TDRD6: variants seen among roughly 807,000 people sequenced by gnomAD.
The protein encoded by TDRD6 is tudor domain containing 6, also known as tudor domain-containing protein 6.
TDRD6 carries 186 observed loss-of-function variants against 157.5 expected under a neutral mutation model. The ratio of observed to expected loss-of-function variants is 1.18; its 90% CI spans 1.05 to 1.33. The LOEUF is 1.33. TDRD6 is among the 40% of genes most tolerant of loss of function. The pLI is 0.00. For missense variants in TDRD6, 3,066 were observed against 2,508.0 expected (o/e 1.22, Z -4.75); for synonymous variants, 1,075 against 945.2 (o/e 1.14, Z -2.52).
In TDRD6 at chr6:46,693,738, C is replaced by T; in HGVS notation, c.5610C>T (p.Ser1870=). 6.2e-7 allele frequency: 1 copy of T among 1,614,156 alleles called. No individual in the cohort carries two copies. Among genetic ancestry groups the T allele is most frequent in the Non-Finnish European group, 8.5e-7 (1 of 1,180,028 alleles). ...LVVDEEKGEL[S]PVPPNVPLSQ... Reference sequence around the variant, plus strand: ...TGGATGAAGAAAAAGGGGAGCTAAGCCCGGTGCCACCGAATGTGCCACTCT... The same window carrying T: ...TGGATGAAGAAAAAGGGGAGCTAAGTCCGGTGCCACCGAATGTGCCACTCT... Residue 1870 remains serine, a synonymous_variant, in exon 1 of 4, where the codon AGC becomes AGT. Coordinates refer to ENST00000316081, the MANE Select transcript of TDRD6 (RefSeq NM_001010870.3).
chr6:46,681,829 A>C, the TDRD6 span, among the ~76,000 whole-genome samples: 3 of 152,174 alleles, frequency 2.0e-5, no homozygotes, highest in Non-Finnish European at 4.4e-5. Context: ...AGCCAGGCAA[A>C]AGTGAATACA....
At position 46,689,961 on chromosome 6, in the gene TDRD6, T is replaced by C; in HGVS notation, c.1833T>C (p.Thr611=). ...TLADIWPLGK[T]WSQEAVSFFK... is the part of the protein sequence containing the mutation. ...CTGATATTTGGCCTTTGGGAAAAAC[T>C]TGGAGCCAGGAGGCAGTTTCCTTTT... The change falls in exon 1 of 4, where the codon ACT becomes ACC. Residue 611 remains threonine (T), a synonymous_variant. Transcript: ENST00000316081. The C allele has an allele frequency of 4.3e-6, 7 of 1,613,914 alleles. No individual in the cohort carries two copies. Among genetic ancestry groups the C allele is most frequent in the South Asian group, 1.1e-5 (1 of 91,044 alleles).
At position 46,688,286 on chromosome 6, in the gene TDRD6, C is replaced by T. The variant is rs1351763540; in HGVS notation, c.158C>T (p.Ala53Val). 1 of 1,496,564 alleles carries T rather than the reference C, an allele frequency of 6.7e-7. No homozygotes were observed. 92.7% of individuals were successfully genotyped at this position (1,496,564 alleles called of 1,614,324 possible). A position where few individuals can be genotyped will look rare whatever the true frequency, so the allele number is the denominator to read the frequency against. Reference protein sequence around the residue: ...YLRLSREIQEAAATRGQWALG... With the variant: ...YLRLSREIQEVAATRGQWALG... ...CGGCTGAGCCGGGAAATCCAGGAAG[C>T]GGCGGCCACGCGCGGCCAGTGGGCG... The change falls in exon 1 of 4, where the codon GCG (alanine) becomes GTG (valine). Residue 53 changes from alanine to valine, a missense_variant. By Grantham distance (64) the Ala-to-Val change is moderately conservative (BLOSUM62 0). Coordinates refer to ENST00000316081, the MANE Select transcript of TDRD6 (RefSeq NM_001010870.3).
Position 46,688,526 on chromosome 6 carries a change from G to T in TDRD6, c.398G>T (p.Gly133Val), listed in dbSNP as rs762607908. The T allele has an allele frequency of 1.9e-6, 3 of 1,570,206 alleles. No individual in the cohort carries two copies. Among genetic ancestry groups the T allele is most frequent in the East Asian group, 2.3e-5 (1 of 43,500 alleles). ...GAAGTGCTGGGCTGCGTGCTAGCGG[G>T]CCTGGTGCCGGCAGGCTGCGGCGCG... ...PSEVLGCVLA[G>V]LVPAGCGAGS... The change falls in exon 1 of 4, where the codon GGC (glycine) becomes GTC (valine). Residue 133 changes from glycine to valine, a missense_variant. Coordinates refer to ENST00000316081, the MANE Select transcript of TDRD6 (RefSeq NM_001010870.3).
chr6:46,694,229 G>A (rs1764435256), intron 1 of TDRD6, 55 bp downstream of exon 1: 2 of 1,244,708 alleles, frequency 1.6e-6, no homozygotes, highest in South Asian at 1.5e-5. Flanking sequence ...TTGAGACAGG[G>A]TCTTGCTCTG....
chr6:46,686,476 T>TA (rs35028991), upstream of TDRD6, among the ~76,000 whole-genome samples: 333 of 127,822 alleles, frequency 2.6e-3, 2 homozygotes, highest in South Asian at 5.9e-3. Context: ...TAGAAGTATG[T>TA]AAAAAAAAAA....
rs1764430938 is a variant in TDRD6 at position 46,694,124 on chromosome 6, A to AAAGCAGTGATGGAAGC, written c.6002_6017dup (p.His2006GlnfsTer2). ...TTGATGCCTTTGTTCTCTGAGGAAG[A>AAAGCAGTGATGGAAGC]AAGCAGTGATGGAAGCAAGCACAAT... On this transcript the variant is annotated frameshift_variant, in exon 1 of 4. Coordinates refer to ENST00000316081, the MANE Select transcript of TDRD6 (RefSeq NM_001010870.3). LOFTEE classifies it high-confidence loss of function. 5 of 1,599,094 alleles carry AAAGCAGTGATGGAAGC rather than the reference A, an allele frequency of 3.1e-6. No homozygotes were observed. Among genetic ancestry groups the AAAGCAGTGATGGAAGC allele is most frequent in the Non-Finnish European group, 4.3e-6 (5 of 1,173,204 alleles).
At position 46,690,734 on chromosome 6, in the gene TDRD6, GTGAAGAATTTC is replaced by G. The variant is rs928399301; in HGVS notation, c.2612_2622del (p.Glu871GlyfsTer2). 1 of 1,614,006 alleles carries G rather than the reference GTGAAGAATTTC, an allele frequency of 6.2e-7. No homozygotes were observed. Among genetic ancestry groups the G allele is most frequent in the Non-Finnish European group, 8.5e-7 (1 of 1,180,028 alleles). ...TCTGTGAAGAATATTTATTCAATTAGTGAAGAATTTCTGAAGGTTAAGGCACAGGCTTTTAG... is the reference window on the plus strand; with the variant it reads ...TCTGTGAAGAATATTTATTCAATTAGTGAAGGTTAAGGCACAGGCTTTTAG... On this transcript the variant is annotated frameshift_variant, in exon 1 of 4. Coordinates refer to ENST00000316081, the MANE Select transcript of TDRD6 (RefSeq NM_001010870.3). LOFTEE classifies it high-confidence loss of function.
chr6:46,690,445 AC>A lies in TDRD6; in HGVS notation c.2318del (p.Thr773LysfsTer2). ...SSKGELEVGS[T>X]VEVRVSYVEN... ...TAAAGGAGAGCTGGAAGTTGGAAGT[AC>A]AGTAGAAGTCAGAGTGTCTTATGTT... On this transcript the variant is annotated frameshift_variant, in exon 1 of 4. Coordinates refer to ENST00000316081, the MANE Select transcript of TDRD6 (RefSeq NM_001010870.3). LOFTEE classifies it high-confidence loss of function. 1.2e-6 allele frequency: 2 copies of A among 1,614,156 alleles called. No homozygotes were observed. The highest frequency in any genetic ancestry group is 4.5e-5 in the East Asian group (2 of 44,882).
intron 3 of TDRD6, among the ~76,000 whole-genome samples, chr6:46,699,434 CTG>C (rs1562061770): frequency 6.6e-6 from 1 of 152,140 alleles, no homozygotes; most frequent in Non-Finnish European, 1.5e-5. Flanking sequence ...CAGGCAGTAA[CTG>C]GGGTTAGCCA....
Position 46,689,605 on chromosome 6 carries a change from G to T in TDRD6, c.1477G>T (p.Val493Leu), listed in dbSNP as rs754688380. The change falls in exon 1 of 4, where the codon GTA becomes TTA. Residue 493 changes from valine (V) to leucine (L), a missense_variant. Transcript: ENST00000316081. ...GATGAATGCCTTCTACGATGCGCAG[G>T]TAGAGTTTGTTAAAAATCCTTCTGA... Reference protein sequence around the residue: ...LKMNAFYDAQVEFVKNPSEFW... With the variant: ...LKMNAFYDAQLEFVKNPSEFW... 6.2e-7 allele frequency: 1 copy of T among 1,614,150 alleles called. No individual in the cohort carries two copies. Among genetic ancestry groups the T allele is most frequent in the South Asian group, 1.1e-5 (1 of 91,074 alleles).
Position 46,688,328 on chromosome 6 carries a change from C to T in TDRD6, c.200C>T (p.Ala67Val). 1.3e-6 allele frequency: 2 copies of T among 1,524,524 alleles called. No homozygotes were observed. 94.4% of individuals were successfully genotyped at this position (1,524,524 alleles called of 1,614,324 possible). A position where few individuals can be genotyped will look rare whatever the true frequency, so the allele number is the denominator to read the frequency against. ...RGQWALGSAS[A>V]SPGELCLVQV... ...CAGTGGGCGCTGGGCAGCGCCTCGG[C>T]CTCGCCCGGCGAGCTGTGCCTGGTG... Residue 67 changes from alanine to valine, a missense_variant, in exon 1 of 4, where the codon GCC becomes GTC. Ala to Val is a moderately conservative substitution (Grantham distance 64, BLOSUM62 0). Coordinates refer to ENST00000316081, the MANE Select transcript of TDRD6 (RefSeq NM_001010870.3).
upstream of TDRD6, among the ~76,000 whole-genome samples, chr6:46,686,232 A>G (rs973705551): frequency 2.0e-5 from 3 of 152,230 alleles, no homozygotes; most frequent in African/African-American, 7.2e-5. Flanking sequence ...TAAAGTCTCC[A>G]TTATTCCATG....
At chr6:46,694,277 A>C in intron 1 of TDRD6, 103 bp downstream of exon 1, 1 of 799,016 alleles carries the variant, frequency 1.3e-6, no homozygotes, top group East Asian at 2.8e-5. Flanking sequence ...ATCTTGGCTC[A>C]CTGCAGCCTC....
rs763078177 is a variant in TDRD6 at position 46,689,699 on chromosome 6, A to C, written c.1571A>C (p.Tyr524Ser). The change falls in exon 1 of 4, where the codon TAT (tyrosine) becomes TCT (serine). Residue 524 changes from tyrosine (Y) to serine (S), a missense_variant. Coordinates refer to ENST00000316081, the MANE Select transcript of TDRD6 (RefSeq NM_001010870.3). Reference sequence around the variant, plus strand: ...CTGATGAGGAGAATGTGTGGTTTCTATTCCTCTGCCAGTAAGCTGGATGGT... The same window carrying C: ...CTGATGAGGAGAATGTGTGGTTTCTCTTCCTCTGCCAGTAAGCTGGATGGT... The part of the protein sequence containing the change: ...SKLMRRMCGF[Y>S]SSASKLDGVV... 6.2e-7 allele frequency: 1 copy of C among 1,614,140 alleles called. No homozygotes were observed. Among genetic ancestry groups the C allele is most frequent in the Admixed American group, 1.7e-5 (1 of 60,014 alleles).
In TDRD6 at chr6:46,688,412, G is replaced by A. The variant is rs1038506133; in HGVS notation, c.284G>A (p.Arg95His). Residue 95 changes from arginine to histidine, a missense_variant, in exon 1 of 4, where the codon CGT (arginine) becomes CAT (histidine). Arg to His is a conservative substitution (Grantham distance 29, BLOSUM62 0). Transcript: ENST00000316081. ...GTCAGCCGGCAGGCACAGGAGAGCC[G>A]TGTCTTCCTGCTGGACGAGGGCCGC... is the stretch of plus-strand genomic sequence containing the variant. ...RVVSRQAQES[R>H]VFLLDEGRTI... is the part of the protein sequence containing the mutation. 2.6e-6 allele frequency: 4 copies of A among 1,539,404 alleles called. No individual in the cohort carries two copies. The highest frequency in any genetic ancestry group is 1.7e-4 in the Middle Eastern group (1 of 5,972).
rs768730537 is a variant in TDRD6 at position 46,693,713 on chromosome 6, T to A, written c.5585T>A (p.Val1862Glu). The A allele has an allele frequency of 1.2e-6, 2 of 1,614,102 alleles. No homozygotes were observed. Among genetic ancestry groups the A allele is most frequent in the South Asian group, 2.2e-5 (2 of 91,082 alleles). ...ESIELQNSLV[V>E]DEEKGELSPV... ...ATTGAGTTACAGAATTCTCTGGTGG[T>A]GGATGAAGAAAAAGGGGAGCTAAGC... The change falls in exon 1 of 4, where the codon GTG becomes GAG. Residue 1862 changes from valine to glutamate, a missense_variant. Coordinates refer to ENST00000316081, the MANE Select transcript of TDRD6 (RefSeq NM_001010870.3).
chr6:46,695,162 A>G (rs1043171440), intron 1 of TDRD6, among the ~76,000 whole-genome samples: 5 of 152,300 alleles, frequency 3.3e-5, no homozygotes, highest in African/African-American at 1.2e-4. Context: ...AAATAATGGA[A>G]TAGTGAGAAT....
chr6:46,685,330 G>A (rs189247410), upstream of TDRD6, among the ~76,000 whole-genome samples: 18 of 152,184 alleles, frequency 1.2e-4, no homozygotes, highest in East Asian at 3.5e-3. Flanking sequence ...TTTAAACAAA[G>A]TCAATTAGTA....
Sources: allele counts gnomAD v4.1 joint callset (sites outside exome capture counted in the v4.1 genomes callset), GRCh38; gene constraint gnomAD v4.1.1; transcripts MANE v1.5; gene names NCBI Gene and HGNC (gene_info 2026-07-23, HGNC 2026-07-21).